TM4SF4: variants seen among roughly 807,000 people sequenced by gnomAD.
The protein encoded by TM4SF4 is transmembrane 4 L6 family member 4.
TM4SF4 carries 24 observed loss-of-function variants against 24.1 expected under a neutral mutation model. The observed-to-expected ratio is 1.00, with a 90% CI of 0.72 to 1.40. TM4SF4 has a LOEUF of 1.40. Ranked by LOEUF, TM4SF4 falls within the 40% of genes most tolerant of loss-of-function variation. The pLI, the probability that TM4SF4 is intolerant of heterozygous loss-of-function variation, is 0.00. For synonymous variants in TM4SF4, 113 were observed against 97.0 expected (o/e 1.17, Z -0.97); for missense variants, 254 against 254.2 (o/e 1.00, Z 0.01).
chr3:149,496,010 A>C (rs1734304464), intron 3 of TM4SF4: 1 of 256,034 alleles, frequency 3.9e-6, no homozygotes, highest in African/African-American at 2.3e-5. Flanking sequence ...GGCTAAGTGA[A>C]TATTGTTCCT....
rs1222196664 is a variant in TM4SF4, at chr3:149,476,792, G to GT, written c.264+889dup. Among the ~76,000 whole-genome samples the GT allele has an allele frequency of 1.6e-3, 165 of 102,834 alleles. 2 individuals carry two copies. Among genetic ancestry groups the GT allele is most frequent in the South Asian group, 9.7e-3 (34 of 3,512 alleles). 67.5% of individuals were successfully genotyped at this position (102,834 alleles called of 152,430 possible). A position where few individuals can be genotyped will look rare whatever the true frequency, so the allele number is the denominator to read the frequency against. On this transcript the variant is annotated intron_variant, in intron 2 of 4. Transcript: ENST00000305354. The stretch of plus-strand genomic sequence containing the variant: ...CATAAGTCTTTCTTTTTTCTTTTCT[G>GT]TTTTTTTTTGTTTTTGTTTTTGTTT...
At chr3:149,489,573 G>A (rs1367958164) in intron 3 of TM4SF4, among the ~76,000 whole-genome samples, 1 of 152,190 alleles carries the variant, frequency 6.6e-6, no homozygotes, top group South Asian at 2.1e-4. Context: ...GGATGGGATG[G>A]GATCAATGCC....
rs762927177 is a variant in TM4SF4 at position 149,502,696 on chromosome 3, C to G, written c.*3C>G. The stretch of plus-strand genomic sequence containing the variant: ...TCTAGGGAGATGGACCCGTTTAAAC[C>G]TCCGAGATGAGCTGCTCAGACTCTA... On this transcript the variant is annotated 3_prime_UTR_variant, in exon 5 of 5. Transcript: ENST00000305354. The G allele has an allele frequency of 1.4e-5, 22 of 1,596,660 alleles. No individual in the cohort carries two copies. The highest frequency in any genetic ancestry group is 1.7e-4 in the Middle Eastern group (1 of 6,050).
chr3:149,490,074 C>T (rs771564181), intron 3 of TM4SF4, among the ~76,000 whole-genome samples: 1 of 152,172 alleles, frequency 6.6e-6, no homozygotes, highest in Non-Finnish European at 1.5e-5. Context: ...ATTTTGACTA[C>T]TTATGTTTTA....
rs145422957 is a variant in TM4SF4, at chr3:149,479,647, C to T, written c.264+3735C>T. On this transcript the variant is annotated intron_variant, in intron 2 of 4. Coordinates refer to ENST00000305354, the MANE Select transcript of TM4SF4 (RefSeq NM_004617.4). Reference sequence around the variant, plus strand: ...TCACGCATTCCCCTCCAGGCCCCAGCTCCTTCGGGGACACGGGGCTTCTGT... The same window carrying T: ...TCACGCATTCCCCTCCAGGCCCCAGTTCCTTCGGGGACACGGGGCTTCTGT... 7.8e-4 allele frequency among the ~76,000 whole-genome samples: 119 copies of T among 152,328 alleles called. 1 individual carries two copies. Among genetic ancestry groups the T allele is most frequent in the African/African-American group, 2.8e-3 (117 of 41,572 alleles).
chr3:149,490,562 A>G (rs551566131), intron 3 of TM4SF4, among the ~76,000 whole-genome samples: 11 of 152,292 alleles, frequency 7.2e-5, no homozygotes, highest in African/African-American at 2.6e-4. Context: ...TCTCACTCCA[A>G]GTCACAGTGC....
intron 1 of TM4SF4, 146 bp from the exon 2 acceptor site, chr3:149,475,677 A>G: frequency 1.5e-6 from 1 of 656,452 alleles, no homozygotes; most frequent in South Asian, 1.9e-5. Flanking sequence ...ACACTCCATT[A>G]CCCCTCCAGC....
chr3:149,498,032 A>G (rs1226542380), intron 3 of TM4SF4, among the ~76,000 whole-genome samples: 1 of 152,224 alleles, frequency 6.6e-6, no homozygotes, highest in Admixed American at 6.5e-5. Flanking sequence ...TATGTAAAAC[A>G]TGTATTAAGG....
chr3:149,490,338 C>T (rs1486170950), intron 3 of TM4SF4, among the ~76,000 whole-genome samples: 1 of 152,216 alleles, frequency 6.6e-6, no homozygotes, highest in Non-Finnish European at 1.5e-5. Flanking sequence ...AGAAGTTCAC[C>T]TTGAATTTCT....
At chr3:149,485,196 A>G (rs1217444108) in intron 2 of TM4SF4, among the ~76,000 whole-genome samples, 2 of 152,222 alleles carry the variant, frequency 1.3e-5, no homozygotes, top group African/African-American at 4.8e-5. Flanking sequence ...CCTTCTCAGA[A>G]GTTTACACAA....
At chr3:149,487,856 T>G (rs1450430192) in intron 3 of TM4SF4, 101 bp downstream of exon 3, 1 of 1,505,722 alleles carries the variant, frequency 6.6e-7, no homozygotes, top group Non-Finnish European at 9.0e-7. Context: ...TTCATCCTTA[T>G]GCAAGCCTCA....
intron 2 of TM4SF4, among the ~76,000 whole-genome samples, chr3:149,476,404 C>T (rs1360313381): frequency 3.3e-5 from 5 of 152,232 alleles, no homozygotes; most frequent in Non-Finnish European, 5.9e-5. Context: ...TGAGGCCCAG[C>T]GCCTCTGGCT....
chr3:149,493,767 G>A (rs930804756), intron 3 of TM4SF4, among the ~76,000 whole-genome samples: 3 of 152,200 alleles, frequency 2.0e-5, no homozygotes, highest in Admixed American at 6.5e-5. Context: ...GGGTCCAGGG[G>A]CTCTGTACAA....
In TM4SF4 at chr3:149,487,684, A is replaced by T; in HGVS notation, c.330A>T (p.Ser110=). 1 of 1,614,028 alleles carries T rather than the reference A, an allele frequency of 6.2e-7. No homozygotes were observed. Among genetic ancestry groups the T allele is most frequent in the Non-Finnish European group, 8.5e-7 (1 of 1,179,906 alleles). Residue 110 remains serine, a synonymous_variant, in exon 3 of 5, where the codon TCA becomes TCT. Transcript: ENST00000305354. ...FLGAGYSFII[S]AISINKGPKC... ...GAGCTGGATACTCGTTTATCATCTC[A>T]GCCATTTCAATCAACAAGGGTCCTA...
At chr3:149,489,067 A>G (rs1355525742) in intron 3 of TM4SF4, among the ~76,000 whole-genome samples, 1 of 152,220 alleles carries the variant, frequency 6.6e-6, no homozygotes, top group African/African-American at 2.4e-5. Context: ...TAAGCAATAC[A>G]AGGTCTCTAA....
rs528181660 is a variant in TM4SF4 at position 149,479,131 on chromosome 3, A to G, written c.264+3219A>G. 2.6e-5 allele frequency among the ~76,000 whole-genome samples: 4 copies of G among 152,086 alleles called. No homozygotes were observed. In the South Asian group the frequency reaches 8.3e-4, roughly 32 times the overall value. ...TTCAGAGAGAGAACATTTTTTCCCC[A>G]AGAAATAAAAAATTAATCTGGCACC... On this transcript the variant is annotated intron_variant, in intron 2 of 4. Transcript: ENST00000305354.
At chr3:149,475,787 C>G (rs1297827351) in intron 1 of TM4SF4, 36 bp from the exon 2 acceptor site, 1 of 1,567,026 alleles carries the variant, frequency 6.4e-7, no homozygotes, top group Non-Finnish European at 8.7e-7. Flanking sequence ...CCCTTCAACT[C>G]CTGGACTCTC....
At chr3:149,484,227 A>T (rs778430462) in intron 2 of TM4SF4, among the ~76,000 whole-genome samples, 1 of 152,214 alleles carries the variant, frequency 6.6e-6, no homozygotes, top group Non-Finnish European at 1.5e-5. Context: ...GTGTCTATGC[A>T]TGATGTTGTC....
chr3:149,498,890 C>A lies in TM4SF4; in HGVS notation c.570C>A (p.Cys190Ter), dbSNP rs778212112. The A allele has an allele frequency of 6.2e-7, 1 of 1,613,844 alleles. No individual in the cohort carries two copies. The highest frequency in any genetic ancestry group is 1.7e-5 in the Admixed American group (1 of 60,014). Residue 190 changes from cysteine to a stop codon, truncating the protein, a stop_gained, in exon 4 of 5, where the codon TGC (cysteine) becomes TGA (stop). Coordinates refer to ENST00000305354, the MANE Select transcript of TM4SF4 (RefSeq NM_004617.4). LOFTEE classifies it high-confidence loss of function. Reference sequence around the variant, plus strand: ...TCCTGGGGACCCTCTGTGGGGACTGCCAGTGTTGTGGCTGCTGTGGGGTAA... The same window carrying A: ...TCCTGGGGACCCTCTGTGGGGACTGACAGTGTTGTGGCTGCTGTGGGGTAA... The part of the protein sequence containing the change: ...NGLLGTLCGD[C>*]QCCGCCGGDG...
Sources: allele counts gnomAD v4.1 joint callset (sites outside exome capture counted in the v4.1 genomes callset), GRCh38; gene constraint gnomAD v4.1.1; transcripts MANE v1.5; gene names NCBI Gene and HGNC (gene_info 2026-07-23, HGNC 2026-07-21).